LRRC58: variants seen among roughly 807,000 people sequenced by gnomAD.
LRRC58 encodes leucine-rich repeat-containing protein 58.
LRRC58 carries 18 observed loss-of-function variants against 30.6 expected under a neutral mutation model. That is an observed-to-expected ratio of 0.59 (90% CI 0.41 to 0.87). The LOEUF (loss-of-function observed/expected upper bound fraction) is 0.87, where lower values mean the gene tolerates loss of function less well. Among genes scored for constraint, LRRC58 ranks in the 40% least tolerant of loss-of-function variants. LRRC58 has a pLI of 0.00. For synonymous variants in LRRC58, 221 were observed against 206.0 expected, an observed-to-expected ratio of 1.07 and a Z score of -0.62; for missense variants, 420 against 468.4, an observed-to-expected ratio of 0.90 and a Z score of 0.95.
intron 1 of LRRC58, among the ~76,000 whole-genome samples, chr3:120,336,999 C>T (rs1311975892): frequency 6.6e-6 from 1 of 151,514 alleles, no homozygotes; most frequent in Non-Finnish European, 1.5e-5. Context: ...TTCAAAACAC[C>T]TTTAAATGTG....
rs1365946304 is a variant in LRRC58, at chr3:120,328,532, T to C, written c.*2668A>G. The C allele has an allele frequency of 6.6e-6, 1 of 152,136 alleles. No individual in the cohort carries two copies. The highest frequency in any genetic ancestry group is 2.4e-5 in the African/African-American group (1 of 41,458). 9.4% of individuals were successfully genotyped at this position (152,136 alleles called of 1,614,324 possible). ...TAAAAATTAGACTTCGCTAATTCTG[T>C]CTTTTAAAAACCCCAATTAAAGTTC... On this transcript the variant is annotated 3_prime_UTR_variant, in exon 4 of 4. Transcript: ENST00000295628.
chr3:120,345,045 C>A (rs1935951237), intron 1 of LRRC58, among the ~76,000 whole-genome samples: 1 of 151,668 alleles, frequency 6.6e-6, no homozygotes. Flanking sequence ...GGAAGTTAAT[C>A]ATAAAAATAA....
rs1935669913 is a variant in LRRC58 at position 120,326,122 on chromosome 3, C to A, written c.*5078G>T. 1 of 152,068 alleles carries A rather than the reference C, an allele frequency of 6.6e-6. No individual in the cohort carries two copies. Among genetic ancestry groups the A allele is most frequent in the African/African-American group, 2.4e-5 (1 of 41,374 alleles). 9.4% of individuals were successfully genotyped at this position (152,068 alleles called of 1,614,324 possible). ...CCTGACCACAACTGAAATCATGATA[C>A]CTTTAAAAAGATACGACTATGAAAA... On this transcript the variant is annotated 3_prime_UTR_variant, in exon 4 of 4. Transcript: ENST00000295628.
At chr3:120,335,318 C>T (rs1468276174) in intron 2 of LRRC58, among the ~76,000 whole-genome samples, 179 bp from the exon 3 acceptor site, 1 of 152,146 alleles carries the variant, frequency 6.6e-6, no homozygotes, top group Non-Finnish European at 1.5e-5. Context: ...TTGTAAATGT[C>T]ATGAAGGACT....
intron 3 of LRRC58, among the ~76,000 whole-genome samples, chr3:120,333,528 T>C (rs1935790348): frequency 1.3e-5 from 2 of 152,232 alleles, no homozygotes; most frequent in African/African-American, 2.4e-5. Flanking sequence ...CTTTTAACAA[T>C]CTTTGAAGAA....
At chr3:120,334,062 C>G (rs1167278181) in intron 3 of LRRC58, among the ~76,000 whole-genome samples, 2 of 152,120 alleles carry the variant, frequency 1.3e-5, no homozygotes, top group Non-Finnish European at 2.9e-5. Context: ...TTCAAATGCT[C>G]TAAACTCAAG....
rs182220119 is a variant in LRRC58 at position 120,346,923 on chromosome 3, T to C, written c.500+1821A>G. 1.0e-3 allele frequency among the ~76,000 whole-genome samples: 154 copies of C among 152,352 alleles called. 1 individual carries two copies. The highest frequency in any genetic ancestry group is 3.8e-4 in the Non-Finnish European group (26 of 68,032). ...TTAGAATAAAATCCAAACTTTATCA[T>C]AGCCTTCAAGACCTGACACGGGCTG... On this transcript the variant is annotated intron_variant, in intron 1 of 3. Coordinates refer to ENST00000295628, the MANE Select transcript of LRRC58 (RefSeq NM_001099678.2).
chr3:120,336,356 A>G (rs1049128661), intron 1 of LRRC58, among the ~76,000 whole-genome samples: 2 of 152,248 alleles, frequency 1.3e-5, no homozygotes, highest in Non-Finnish European at 2.9e-5. Flanking sequence ...TAGCCCATTT[A>G]GACAAGAAGA....
Position 120,325,450 on chromosome 3 carries a change from C to T in LRRC58, c.*5750G>A, listed in dbSNP as rs1021577647. On this transcript the variant is annotated 3_prime_UTR_variant, in exon 4 of 4. Transcript: ENST00000295628. ...ATAAATAACCTTCATTAAACTAATA[C>T]ACTTTAATATTTACTGGATTGAATA... 3 of 152,164 alleles carry T rather than the reference C, an allele frequency of 2.0e-5. No individual in the cohort carries two copies. The highest frequency in any genetic ancestry group is 7.2e-5 in the African/African-American group (3 of 41,456). 9.4% of individuals were successfully genotyped at this position (152,164 alleles called of 1,614,324 possible).
chr3:120,340,672 G>C (rs924550974), intron 1 of LRRC58, among the ~76,000 whole-genome samples: 1 of 152,044 alleles, frequency 6.6e-6, no homozygotes, highest in Non-Finnish European at 1.5e-5. Flanking sequence ...TCACGAGTTC[G>C]AGACCAGCTT....
chr3:120,342,979 G>A (rs557135158), intron 1 of LRRC58, among the ~76,000 whole-genome samples: 12 of 152,312 alleles, frequency 7.9e-5, no homozygotes, highest in African/African-American at 2.4e-4. Flanking sequence ...AACTTATTAA[G>A]ACAGTCAGGA....
rs1010949332 is a variant in LRRC58, at chr3:120,328,474, C to G, written c.*2726G>C. 1 of 152,250 alleles carries G rather than the reference C, an allele frequency of 6.6e-6. No homozygotes were observed. The allele number at this position is 152,250 out of a possible 1,614,324, so 9.4% of individuals were successfully genotyped here. A position where few individuals can be genotyped will look rare whatever the true frequency, so the allele number is the denominator to read the frequency against. On this transcript the variant is annotated 3_prime_UTR_variant, in exon 4 of 4. Coordinates refer to ENST00000295628, the MANE Select transcript of LRRC58 (RefSeq NM_001099678.2). ...CATAGTTTTGGTCACTAAAATCGTCCAAGTAGAGCAATATCAAAAACTTAT... is the reference window on the plus strand; with the variant it reads ...CATAGTTTTGGTCACTAAAATCGTCGAAGTAGAGCAATATCAAAAACTTAT...
At chr3:120,332,297 A>C (rs1433604730) in intron 3 of LRRC58, among the ~76,000 whole-genome samples, 1 of 152,258 alleles carries the variant, frequency 6.6e-6, no homozygotes, top group Non-Finnish European at 1.5e-5. Flanking sequence ...TGTTTATCAC[A>C]TAAGGGACCA....
rs1936024914 is a variant in LRRC58, at chr3:120,349,304, C to T, written c.-61G>A. On this transcript the variant is annotated 5_prime_UTR_variant, in exon 1 of 4. Coordinates refer to ENST00000295628, the MANE Select transcript of LRRC58 (RefSeq NM_001099678.2). ...CAGAGCGCCGCGCGCGGTCCAGAGG[C>T]CGGGAGCTCTGCGGCGCCCCGGAAC... is the stretch of plus-strand genomic sequence containing the variant. The T allele has an allele frequency of 7.5e-7, 1 of 1,333,540 alleles. No individual in the cohort carries two copies. Among genetic ancestry groups the T allele is most frequent in the African/African-American group, 1.5e-5 (1 of 64,730 alleles). 82.6% of individuals were successfully genotyped at this position (1,333,540 alleles called of 1,614,324 possible).
intron 1 of LRRC58, among the ~76,000 whole-genome samples, chr3:120,344,151 A>G (rs565227082): frequency 6.6e-6 from 1 of 152,362 alleles, no homozygotes; most frequent in Non-Finnish European, 1.5e-5. Flanking sequence ...ATGGAATTAA[A>G]GTAAGATAGG....
Position 120,326,549 on chromosome 3 carries a change from G to A in LRRC58, c.*4651C>T, listed in dbSNP as rs570125357. ...GGAAACTGGGACATTCAATACAGAA[G>A]GAATCAGAAATGTATTATAGGTCAC... On this transcript the variant is annotated 3_prime_UTR_variant, in exon 4 of 4. Coordinates refer to ENST00000295628, the MANE Select transcript of LRRC58 (RefSeq NM_001099678.2). 63 of 152,252 alleles carry A rather than the reference G, an allele frequency of 4.1e-4. No homozygotes were observed. Among genetic ancestry groups the A allele is most frequent in the African/African-American group, 1.4e-3 (58 of 41,550 alleles). 9.4% of individuals were successfully genotyped at this position (152,252 alleles called of 1,614,324 possible).
Position 120,349,037 on chromosome 3 carries a change from G to A in LRRC58, c.207C>T (p.His69=), listed in dbSNP as rs1010390457. The A allele has an allele frequency of 1.3e-6, 2 of 1,518,350 alleles. No individual in the cohort carries two copies. The highest frequency in any genetic ancestry group is 2.0e-5 in the Admixed American group (1 of 49,214). 94.1% of individuals were successfully genotyped at this position (1,518,350 alleles called of 1,614,324 possible). Residue 69 remains histidine (H), a synonymous_variant, in exon 1 of 4, where the codon CAC becomes CAT. Transcript: ENST00000295628. ...TGCCGCTCACGTCCAGCAGCTGGAGGTGCGGGAAGCCGCTGCCCAGCGCCC... is the reference window on the plus strand; with the variant it reads ...TGCCGCTCACGTCCAGCAGCTGGAGATGCGGGAAGCCGCTGCCCAGCGCCC... ...LPRALGSGFP[H]LQLLDVSGNA...
intron 1 of LRRC58, among the ~76,000 whole-genome samples, chr3:120,336,310 C>T (rs1157690183): frequency 6.6e-6 from 1 of 152,188 alleles, no homozygotes; most frequent in Non-Finnish European, 1.5e-5. Flanking sequence ...GAACAGGCTT[C>T]CCCAAAGGGC....
chr3:120,348,971 G>A lies in LRRC58; in HGVS notation c.273C>T (p.Arg91=). 1.3e-6 allele frequency: 2 copies of A among 1,538,200 alleles called. No homozygotes were observed. Among genetic ancestry groups the A allele is most frequent in the East Asian group, 2.5e-5 (1 of 40,406 alleles). The change falls in exon 1 of 4, where the codon CGC becomes CGT. Residue 91 remains arginine, a synonymous_variant. Transcript: ENST00000295628. ...TCTTGGCCAGCAGCGTGCGCAGGCC[G>A]CGCAGAGCGAGCAGCTCCGGCCCGA... ...TALGPELLAL[R]GLRTLLAKNN...
Sources: allele counts gnomAD v4.1 joint callset (sites outside exome capture counted in the v4.1 genomes callset), GRCh38; gene constraint gnomAD v4.1.1; transcripts MANE v1.5; gene names NCBI Gene and HGNC (gene_info 2026-07-23, HGNC 2026-07-21).